NAALADL2: variants seen among roughly 807,000 people sequenced by gnomAD.
The protein encoded by NAALADL2 is inactive N-acetylated-alpha-linked acidic dipeptidase-like protein 2.
A neutral mutation model predicts 87.2 loss-of-function variants in NAALADL2; 76 were observed. The observed-to-expected ratio is 0.87, with a 90% CI of 0.72 to 1.05. The LOEUF is 1.05. NAALADL2 is among the 50% of genes least tolerant of loss of function. NAALADL2 has a pLI of 0.00. For synonymous variants in NAALADL2, 354 were observed against 331.0 expected (o/e 1.07, Z -0.75); for missense variants, 1,089 against 945.8 (o/e 1.15, Z -1.99).
chr3:174,625,189 A>C (rs1239430036), intron 2 of NAALADL2, among the ~76,000 whole-genome samples: 1 of 150,802 alleles, frequency 6.6e-6, no homozygotes, highest in African/African-American at 2.4e-5. Flanking sequence ...TTCCCAGGTA[A>C]CTGGGACTAT....
At chr3:175,357,607 G>C (rs930677194) in intron 5 of NAALADL2, among the ~76,000 whole-genome samples, 11 of 152,012 alleles carry the variant, frequency 7.2e-5, no homozygotes, top group Non-Finnish European at 1.5e-4. Flanking sequence ...CACTCATGTT[G>C]ACAAATTTCT....
At chr3:174,472,401 C>T (rs912697685) in intron 1 of NAALADL2, among the ~76,000 whole-genome samples, 1 of 152,132 alleles carries the variant, frequency 6.6e-6, no homozygotes, top group African/African-American at 2.4e-5. Flanking sequence ...AAAGATGGCC[C>T]TGGGAACAGT....
intron 9 of NAALADL2, among the ~76,000 whole-genome samples, chr3:175,535,428 A>G (rs1734680807): frequency 6.6e-6 from 1 of 152,156 alleles, no homozygotes; most frequent in Non-Finnish European, 1.5e-5. Context: ...ACTCTCCACG[A>G]CAGTTGTCTT....
At chr3:175,200,402 CAA>C (rs901487744) in intron 2 of NAALADL2, among the ~76,000 whole-genome samples, 1 of 151,400 alleles carries the variant, frequency 6.6e-6, no homozygotes, top group Non-Finnish European at 1.5e-5. Flanking sequence ...TTTTTTCAAG[CAA>C]AAAAGTGTTT....
intron 3 of NAALADL2, among the ~76,000 whole-genome samples, chr3:174,745,990 G>T (rs1734215298): frequency 6.6e-6 from 1 of 152,138 alleles, no homozygotes; most frequent in African/African-American, 2.4e-5. Flanking sequence ...ATGGGCAAAA[G>T]CTGGAAGCAT....
intron 3 of NAALADL2, among the ~76,000 whole-genome samples, chr3:174,786,375 C>G (rs539304432): frequency 6.7e-6 from 1 of 148,978 alleles, no homozygotes; most frequent in Non-Finnish European, 1.5e-5. Flanking sequence ...TGCTTGAACC[C>G]AGGAGGTGGA....
At chr3:174,810,597 C>CAA (rs71624292) in intron 3 of NAALADL2, among the ~76,000 whole-genome samples, 2,089 of 110,126 alleles carry the variant, frequency 0.019, 17 homozygotes, top group Non-Finnish European at 0.027. Context: ...TATATGTAAG[C>CAA]AAAAAAAAAA....
At chr3:174,920,810 T>G (rs530309842) in intron 1 of NAALADL2, among the ~76,000 whole-genome samples, 1 of 152,338 alleles carries the variant, frequency 6.6e-6, no homozygotes, top group Admixed American at 6.5e-5. Flanking sequence ...GTAAGATATA[T>G]GTTACTCTTC....
At chr3:175,566,226 A>T (rs906923897) in intron 9 of NAALADL2, among the ~76,000 whole-genome samples, 3 of 152,184 alleles carry the variant, frequency 2.0e-5, no homozygotes, top group Admixed American at 1.3e-4. Flanking sequence ...AGGGAATTTT[A>T]AAAATGTAAC....
At chr3:175,258,952 G>C (rs1750552017) in intron 4 of NAALADL2, among the ~76,000 whole-genome samples, 2 of 152,214 alleles carry the variant, frequency 1.3e-5, no homozygotes, top group Admixed American at 1.3e-4. Flanking sequence ...CAGAGAGCCA[G>C]TGTGGTCTGC....
intron 4 of NAALADL2, among the ~76,000 whole-genome samples, chr3:175,261,125 T>C (rs1469904718): frequency 2.0e-5 from 3 of 152,106 alleles, no homozygotes; most frequent in Non-Finnish European, 4.4e-5. Flanking sequence ...TTTATAACAG[T>C]TTATTTTTTG....
intron 1 of NAALADL2, among the ~76,000 whole-genome samples, chr3:174,458,105 A>G (rs1289590488): frequency 2.6e-5 from 4 of 152,316 alleles, no homozygotes; most frequent in South Asian, 4.1e-4. Flanking sequence ...ATTTACCTAT[A>G]TAACAAACCT....
intron 3 of NAALADL2, among the ~76,000 whole-genome samples, chr3:174,759,699 A>T (rs1305209253): frequency 1.3e-5 from 2 of 150,342 alleles, no homozygotes; most frequent in Non-Finnish European, 3.0e-5. Context: ...TACAATACAA[A>T]TCACTTTTTT....
intron 2 of NAALADL2, among the ~76,000 whole-genome samples, chr3:175,103,614 TGATCAGAAGTACACAAGA>T (rs1473346014): frequency 1.3e-5 from 2 of 152,180 alleles, no homozygotes; most frequent in Non-Finnish European, 2.9e-5. Context: ...CCTTATTAAT[TGATCAGAAGTACACAAGA>T]GAGGATTTTC....
At chr3:175,531,221 C>A (rs542198951) in intron 9 of NAALADL2, among the ~76,000 whole-genome samples, 1 of 152,072 alleles carries the variant, frequency 6.6e-6, no homozygotes, top group East Asian at 1.9e-4. Context: ...AATAACACAC[C>A]GAGATGAGGA....
chr3:175,289,305 A>G (rs559880265), intron 4 of NAALADL2, among the ~76,000 whole-genome samples: 1 of 152,212 alleles, frequency 6.6e-6, no homozygotes, highest in East Asian at 1.9e-4. Context: ...TTGGAGCATC[A>G]CCGCCATCTG....
At chr3:175,552,447 C>A (rs1714570112) in intron 9 of NAALADL2, among the ~76,000 whole-genome samples, 1 of 152,112 alleles carries the variant, frequency 6.6e-6, no homozygotes, top group Non-Finnish European at 1.5e-5. Flanking sequence ...CTATTTTATT[C>A]CCACTACTGC....
intron 2 of NAALADL2, among the ~76,000 whole-genome samples, chr3:174,604,928 C>T (rs1343183766): frequency 4.0e-5 from 6 of 151,834 alleles, no homozygotes; most frequent in East Asian, 1.9e-4. Context: ...ACCACCACCC[C>T]GGCTGATTTT....
chr3:175,655,445 T>C (rs1235838164), intron 11 of NAALADL2: 2 of 340,102 alleles, frequency 5.9e-6, no homozygotes, highest in Non-Finnish European at 1.2e-5. Flanking sequence ...CAATGCGTTA[T>C]TATTATAATG....
Sources: gnomAD v4.1 joint callset for allele counts (sites outside exome capture counted in the v4.1 genomes callset) on GRCh38, gnomAD v4.1.1 for gene constraint, MANE v1.5 for transcripts, NCBI Gene and HGNC (gene_info 2026-07-23, HGNC 2026-07-21) for gene names.